CAB39L: variants seen among roughly 807,000 people sequenced by gnomAD.
The protein encoded by CAB39L is calcium binding protein 39 like, also known as calcium-binding protein 39-like.
Under a neutral mutation model 39.1 loss-of-function variants are expected in CAB39L, and 23 were observed. The ratio of observed to expected loss-of-function variants is 0.59; its 90% CI spans 0.42 to 0.83. The LOEUF (loss-of-function observed/expected upper bound fraction) is 0.83. Among genes scored for constraint, CAB39L ranks in the 40% least tolerant of loss-of-function variants. CAB39L has a pLI of 0.00. For synonymous variants in CAB39L, 126 were observed against 137.2 expected, an observed-to-expected ratio of 0.92 and a Z score of 0.57; for missense variants, 366 against 391.9, an observed-to-expected ratio of 0.93 and a Z score of 0.56.
Position 49,309,372 on chromosome 13 carries a change from G to A in CAB39L, c.*1442C>T, listed in dbSNP as rs928346054. 1.3e-5 allele frequency: 2 copies of A among 152,242 alleles called. No individual in the cohort carries two copies. The highest frequency in any genetic ancestry group is 2.1e-4 in the South Asian group (1 of 4,832). The allele number at this position is 152,242 out of a possible 1,614,324, so 9.4% of individuals were successfully genotyped here. A position where few individuals can be genotyped will look rare whatever the true frequency, so the allele number is the denominator to read the frequency against. ...ACTCTTCAGGTACAAAATCTACAAAGGGGATCAGTCCTGGAGAACACATTT... is the reference window on the plus strand; with the variant it reads ...ACTCTTCAGGTACAAAATCTACAAAAGGGATCAGTCCTGGAGAACACATTT... On this transcript the variant is annotated 3_prime_UTR_variant, in exon 11 of 11. Transcript: ENST00000409308.
chr13:49,341,267 T>A (rs895492785), intron 8 of CAB39L, among the ~76,000 whole-genome samples: 2 of 152,142 alleles, frequency 1.3e-5, no homozygotes, highest in Non-Finnish European at 2.9e-5. Flanking sequence ...TTTCTTTTTT[T>A]TTTTGAGACC....
At chr13:49,419,583 A>C (rs1428482884) in intron 3 of CAB39L, among the ~76,000 whole-genome samples, 1 of 152,202 alleles carries the variant, frequency 6.6e-6, no homozygotes, top group Non-Finnish European at 1.5e-5. Context: ...ACCCTGTCTC[A>C]AAAAATAGGA....
At chr13:49,343,725 A>C (rs1955067814) in intron 8 of CAB39L, among the ~76,000 whole-genome samples, 1 of 152,142 alleles carries the variant, frequency 6.6e-6, no homozygotes, top group African/African-American at 2.4e-5. Context: ...CTTTCTAAAG[A>C]GTCATATTTC....
intron 4 of CAB39L, among the ~76,000 whole-genome samples, chr13:49,378,825 C>T (rs1956180589): frequency 4.8e-5 from 3 of 62,732 alleles, no homozygotes; most frequent in Non-Finnish European, 9.9e-5. Context: ...GCGCCTCTGC[C>T]CGGCCGCCCC....
At chr13:49,370,004 T>C (rs1185908975) in intron 5 of CAB39L, among the ~76,000 whole-genome samples, 1 of 152,206 alleles carries the variant, frequency 6.6e-6, no homozygotes, top group African/African-American at 2.4e-5. Context: ...ATGAAAATTA[T>C]AGCCAGTGAA....
At chr13:49,354,242 G>A (rs866459050) in intron 6 of CAB39L, among the ~76,000 whole-genome samples, 1 of 152,270 alleles carries the variant, frequency 6.6e-6, no homozygotes, top group Middle Eastern at 3.4e-3. Flanking sequence ...TTTCATCCCA[G>A]CAGTTTGACA....
At chr13:49,372,584 T>A (rs1024826843) in intron 5 of CAB39L, among the ~76,000 whole-genome samples, 2 of 152,236 alleles carry the variant, frequency 1.3e-5, no homozygotes, top group African/African-American at 4.8e-5. Context: ...CCTTGTTTCC[T>A]GCAACTGCTT....
chr13:49,346,100 G>GATAGATATATATATATATATATAT (rs1955155415), intron 7 of CAB39L, among the ~76,000 whole-genome samples: 1 of 30,946 alleles, frequency 3.2e-5, no homozygotes, highest in African/African-American at 1.4e-4. Context: ...ATATATGCTA[G>GATAGATATATATATATATATATAT]ATATATATAT....
At chr13:49,400,605 G>A (rs1956749526) in intron 3 of CAB39L, among the ~76,000 whole-genome samples, 1 of 152,036 alleles carries the variant, frequency 6.6e-6, no homozygotes, top group African/African-American at 2.4e-5. Flanking sequence ...TTTACATAAA[G>A]TAGGAAAAAT....
intron 7 of CAB39L, among the ~76,000 whole-genome samples, chr13:49,346,722 G>A (rs1202943017): frequency 3.9e-5 from 6 of 152,096 alleles, no homozygotes; most frequent in South Asian, 4.1e-4. Context: ...TCACAAGTCC[G>A]TGAAAAAGGG....
intron 3 of CAB39L, among the ~76,000 whole-genome samples, chr13:49,398,339 T>C (rs1233541580): frequency 6.6e-6 from 1 of 151,646 alleles, no homozygotes; most frequent in Non-Finnish European, 1.5e-5. Flanking sequence ...GACATGCTAA[T>C]ATAGTTTTAA....
intron 6 of CAB39L, among the ~76,000 whole-genome samples, chr13:49,358,023 T>C (rs1478392988): frequency 3.3e-5 from 5 of 152,238 alleles, no homozygotes; most frequent in Admixed American, 1.3e-4. Context: ...TGATCTTAGA[T>C]AGCACATGCT....
At chr13:49,429,345 AGCCTC>A (rs1413685516) in intron 3 of CAB39L, among the ~76,000 whole-genome samples, 1 of 152,218 alleles carries the variant, frequency 6.6e-6, no homozygotes, top group East Asian at 1.9e-4. Context: ...CTCCTGCCTC[AGCCTC>A]TCAAATAGCT....
chr13:49,340,831 C>G (rs541627735), intron 8 of CAB39L, among the ~76,000 whole-genome samples: 8 of 152,286 alleles, frequency 5.3e-5, no homozygotes, highest in South Asian at 2.1e-4. Flanking sequence ...CTGAAAGAGT[C>G]TGAAAGGTTT....
chr13:49,325,373 G>A (rs895836249), intron 10 of CAB39L, among the ~76,000 whole-genome samples: 3 of 152,152 alleles, frequency 2.0e-5, no homozygotes, highest in Admixed American at 2.0e-4. Context: ...CAATTTTAGG[G>A]GAAATTATCA....
intron 3 of CAB39L, among the ~76,000 whole-genome samples, chr13:49,397,621 A>G (rs1004584097): frequency 1.3e-4 from 20 of 152,098 alleles, no homozygotes; most frequent in African/African-American, 4.8e-4. Context: ...AGAAAAAAAA[A>G]CTAGTAACTT....
intron 5 of CAB39L, among the ~76,000 whole-genome samples, chr13:49,366,649 A>AAC (rs59334370): frequency 6.8e-6 from 1 of 147,686 alleles, no homozygotes; most frequent in Non-Finnish European, 1.5e-5. Context: ...AAAAAAAAAA[A>AAC]CCCATGCTCT....
intron 7 of CAB39L, among the ~76,000 whole-genome samples, chr13:49,348,059 A>G (rs1460650014): frequency 6.6e-6 from 1 of 151,516 alleles, no homozygotes; most frequent in African/African-American, 2.4e-5. Flanking sequence ...CTTCAGGGAG[A>G]CCATAGGACG....
chr13:49,434,582 A>T (rs1182001060), intron 1 of CAB39L, among the ~76,000 whole-genome samples: 1 of 152,182 alleles, frequency 6.6e-6, no homozygotes, highest in Admixed American at 6.5e-5. Context: ...ATTTTAGGCC[A>T]GGTGTACTGG....
Sources: gnomAD v4.1 joint callset for allele counts (sites outside exome capture counted in the v4.1 genomes callset) on GRCh38, gnomAD v4.1.1 for gene constraint, MANE v1.5 for transcripts, NCBI Gene and HGNC (gene_info 2026-07-23, HGNC 2026-07-21) for gene names.